The following CTNNA3 variants were observed in gnomAD, a reference collection of about 807,000 sequenced individuals.
CTNNA3 encodes catenin alpha 3.
A neutral mutation model predicts 95.7 loss-of-function variants in CTNNA3; 76 were observed. The observed-to-expected ratio is 0.79, with a 90% CI of 0.66 to 0.96. The LOEUF (loss-of-function observed/expected upper bound fraction) is 0.96. Among genes scored for constraint, CTNNA3 ranks in the 40% least tolerant of loss-of-function variants. CTNNA3 has a pLI of 0.00. For synonymous variants in CTNNA3, 431 were observed against 374.4 expected, an observed-to-expected ratio of 1.15 and a Z score of -1.74; for missense variants, 1,191 against 1,089.8, an observed-to-expected ratio of 1.09 and a Z score of -1.31.
At chr10:66,405,245 T>A (rs2093048160) in intron 11 of CTNNA3, among the ~76,000 whole-genome samples, 1 of 152,082 alleles carries the variant, frequency 6.6e-6, no homozygotes, top group South Asian at 2.1e-4. Flanking sequence ...CTAATCAAAG[T>A]TTTTGATAGA....
intron 5 of CTNNA3, among the ~76,000 whole-genome samples, chr10:67,256,941 A>G (rs1301294756): frequency 6.6e-6 from 1 of 152,180 alleles, no homozygotes; most frequent in Non-Finnish European, 1.5e-5. Flanking sequence ...AAATTGCAAA[A>G]TGCAAACTCT....
intron 11 of CTNNA3, among the ~76,000 whole-genome samples, chr10:66,497,353 C>A (rs1175234575): frequency 6.6e-6 from 1 of 151,302 alleles, no homozygotes; most frequent in Non-Finnish European, 1.5e-5. Flanking sequence ...ACAAAAACTG[C>A]AATTAAATTT....
intron 5 of CTNNA3, among the ~76,000 whole-genome samples, chr10:67,364,534 G>T (rs995416627): frequency 2.6e-5 from 4 of 151,862 alleles, no homozygotes; most frequent in African/African-American, 9.7e-5. Flanking sequence ...AAAGTCTCAG[G>T]ATACAAAACC....
At chr10:66,974,323 T>A (rs1849900170) in intron 7 of CTNNA3, among the ~76,000 whole-genome samples, 1 of 152,208 alleles carries the variant, frequency 6.6e-6, no homozygotes, top group Non-Finnish European at 1.5e-5. Flanking sequence ...AAAGTGCTTC[T>A]TAGCAGTTCA....
At chr10:67,573,685 CCCTTT>C (rs1265685044) in intron 3 of CTNNA3, among the ~76,000 whole-genome samples, 2 of 151,852 alleles carry the variant, frequency 1.3e-5, no homozygotes, top group Admixed American at 6.6e-5. Flanking sequence ...TCAAGTCCTT[CCCTTT>C]CCTTCCCTTC....
intron 10 of CTNNA3, among the ~76,000 whole-genome samples, chr10:66,566,426 G>A (rs1911311): frequency 1 from 151,721 of 152,328 alleles, 75,561 homozygotes; most frequent in Middle Eastern, 1. Context: ...CATTTTGATG[G>A]TAAGTCTGTG....
intron 11 of CTNNA3, among the ~76,000 whole-genome samples, chr10:66,383,116 G>A (rs1456232462): frequency 6.6e-6 from 1 of 152,176 alleles, no homozygotes; most frequent in Non-Finnish European, 1.5e-5. Flanking sequence ...ACAGAAGTAG[G>A]CTTCAGAAGT....
chr10:66,691,473 G>C (rs1215588772), intron 9 of CTNNA3, among the ~76,000 whole-genome samples: 2 of 152,178 alleles, frequency 1.3e-5, no homozygotes, highest in African/African-American at 4.8e-5. Context: ...GAACTAGGTG[G>C]AGCCCACCAC....
intron 5 of CTNNA3, among the ~76,000 whole-genome samples, chr10:67,220,632 A>G (rs1170251683): frequency 6.6e-6 from 1 of 152,232 alleles, no homozygotes; most frequent in Non-Finnish European, 1.5e-5. Context: ...TTTAGGCTGA[A>G]TGGTCCGAGA....
chr10:67,329,635 A>C (rs1712464317), intron 5 of CTNNA3, among the ~76,000 whole-genome samples: 1 of 152,234 alleles, frequency 6.6e-6, no homozygotes, highest in African/African-American at 2.4e-5. Flanking sequence ...CAAATAGATG[A>C]TTCTAAATAT....
At chr10:66,275,116 A>AT (rs113062976) in intron 13 of CTNNA3, among the ~76,000 whole-genome samples, 3 of 151,542 alleles carry the variant, frequency 2.0e-5, no homozygotes, top group South Asian at 4.2e-4. Flanking sequence ...TTTAATTTGC[A>AT]TTTTTTTTCC....
Position 66,479,950 on chromosome 10 carries a change from T to TCACACACACACACACACA in CTNNA3, c.1531+40649_1531+40666dup, listed in dbSNP as rs71466882. ...AAGATAATTAAAAATACCAAAGCAT[T>TCACACACACACACACACA]CACACACACACACACACACACACAC... On this transcript the variant is annotated intron_variant, in intron 11 of 17. Coordinates refer to ENST00000433211, the MANE Select transcript of CTNNA3 (RefSeq NM_013266.4). 5.3e-3 allele frequency among the ~76,000 whole-genome samples: 778 copies of TCACACACACACACACACA among 145,422 alleles called. 6 individuals are homozygous for TCACACACACACACACACA. Among genetic ancestry groups the TCACACACACACACACACA allele is most frequent in the African/African-American group, 0.019 (724 of 38,756 alleles).
intron 11 of CTNNA3, among the ~76,000 whole-genome samples, chr10:66,423,878 A>T (rs2093217459): frequency 6.6e-6 from 1 of 152,108 alleles, no homozygotes; most frequent in Non-Finnish European, 1.5e-5. Flanking sequence ...TTTAACTCTT[A>T]CAGAATTTGC....
intron 15 of CTNNA3, among the ~76,000 whole-genome samples, chr10:66,010,100 T>A (rs1212878655): frequency 6.6e-6 from 1 of 151,792 alleles, no homozygotes; most frequent in Non-Finnish European, 1.5e-5. Context: ...TAATGGATAA[T>A]CATTTTTGAA....
intron 1 of CTNNA3, among the ~76,000 whole-genome samples, chr10:67,759,613 T>C (rs1841452067): frequency 6.6e-6 from 1 of 152,200 alleles, no homozygotes; most frequent in South Asian, 2.1e-4. Flanking sequence ...ACTCCCTAAA[T>C]AATCCCCTTC....
At chr10:66,976,549 C>T (rs1429642308) in intron 7 of CTNNA3, among the ~76,000 whole-genome samples, 1 of 152,146 alleles carries the variant, frequency 6.6e-6, no homozygotes, top group Admixed American at 6.6e-5. Flanking sequence ...ACTGTAATGA[C>T]ATCATCTCTT....
At chr10:66,595,546 A>C (rs1478296139) in intron 10 of CTNNA3, among the ~76,000 whole-genome samples, 1 of 152,092 alleles carries the variant, frequency 6.6e-6, no homozygotes, top group East Asian at 1.9e-4. Context: ...CATGTTGGCC[A>C]GGCTGGTCTC....
At chr10:66,493,961 G>C (rs1840017172) in intron 11 of CTNNA3, among the ~76,000 whole-genome samples, 1 of 125,730 alleles carries the variant, frequency 8.0e-6, no homozygotes, top group Admixed American at 8.7e-5. Context: ...AGGCTGGAGT[G>C]CAGTGGCGCC....
chr10:66,521,803 T>G (rs954613183), intron 10 of CTNNA3, among the ~76,000 whole-genome samples: 1 of 152,162 alleles, frequency 6.6e-6, no homozygotes, highest in Non-Finnish European at 1.5e-5. Context: ...TTGCTTTGAT[T>G]GTGATGTCTT....
Sources: gnomAD v4.1 joint callset for allele counts (sites outside exome capture counted in the v4.1 genomes callset) on GRCh38, gnomAD v4.1.1 for gene constraint, MANE v1.5 for transcripts, NCBI Gene and HGNC (gene_info 2026-07-23, HGNC 2026-07-21) for gene names.